The following PIGB variants were observed in gnomAD, a reference collection of about 807,000 sequenced individuals.
The protein encoded by PIGB is GPI alpha-1,2-mannosyltransferase 3.
A neutral mutation model predicts 68.4 loss-of-function variants in PIGB; 58 were observed. The observed-to-expected ratio is 0.85, with a 90% CI of 0.69 to 1.06. PIGB has a LOEUF of 1.06. PIGB is among the 50% of genes least tolerant of loss of function. The pLI is 0.00. For synonymous variants in PIGB, 219 were observed against 220.5 expected, an observed-to-expected ratio of 0.99 and a Z score of 0.06; for missense variants, 634 against 655.8, an observed-to-expected ratio of 0.97 and a Z score of 0.36.
intron 3 of PIGB, chr15:55,324,849 G>A (rs2055244141): frequency 2.1e-6 from 2 of 975,490 alleles, no homozygotes; most frequent in Non-Finnish European, 2.4e-6. Flanking sequence ...GTACATGAGT[G>A]CCTTTTCCTG....
intron 3 of PIGB, among the ~76,000 whole-genome samples, chr15:55,325,222 A>C (rs1205415481): frequency 6.6e-6 from 1 of 152,122 alleles, no homozygotes; most frequent in East Asian, 1.9e-4. Context: ...GCTACTTGGG[A>C]GGCTAAGGCA....
intron 6 of PIGB, among the ~76,000 whole-genome samples, chr15:55,337,859 G>A (rs544240004): frequency 3.9e-5 from 6 of 152,162 alleles, no homozygotes; most frequent in South Asian, 2.1e-4. Context: ...ACTACAGCAC[G>A]CAAAAAAACT....
intron 1 of PIGB, 25 bp downstream of exon 1, chr15:55,319,438 G>A: frequency 6.5e-7 from 1 of 1,545,216 alleles, no homozygotes; most frequent in Admixed American, 2.0e-5. Context: ...ACTGTCTGGA[G>A]AGCTCCTACC....
Position 55,333,983 on chromosome 15 carries a change from T to C in PIGB, c.770T>C (p.Ile257Thr). 1 of 1,604,312 alleles carries C rather than the reference T, an allele frequency of 6.2e-7. No homozygotes were observed. Among genetic ancestry groups the C allele is most frequent in the Middle Eastern group, 1.7e-4 (1 of 6,034 alleles). The change falls in exon 6 of 12, where the codon ATT becomes ACT. Residue 257 changes from isoleucine (I) to threonine (T), a missense_variant. By Grantham distance (89) the Ile-to-Thr change is moderately conservative. Transcript: ENST00000164305. The part of the protein sequence containing the change: ...FCQEPRKLDL[I>T]LHHFLPVGFV... ...CAAGAACCAAGAAAGCTTGATCTTA[T>C]TCTACATCATTTTTTACCTGTAGGG...
chr15:55,340,819 T>A lies in PIGB; in HGVS notation c.1054T>A (p.Tyr352Asn). 6.3e-7 allele frequency: 1 copy of A among 1,575,620 alleles called. No homozygotes were observed. Among genetic ancestry groups the A allele is most frequent in the South Asian group, 1.2e-5 (1 of 85,432 alleles). Residue 352 changes from tyrosine (Y) to asparagine (N), a missense_variant, in exon 8 of 12, where the codon TAT (tyrosine) becomes AAT (asparagine). Coordinates refer to ENST00000164305, the MANE Select transcript of PIGB (RefSeq NM_004855.5). ...GACTGTGCTGTGGACACTGCTTGTTTATAGGTAAGATTTTATTTGTTCAAA... is the reference window on the plus strand; with the variant it reads ...GACTGTGCTGTGGACACTGCTTGTTAATAGGTAAGATTTTATTTGTTCAAA... ...LVTVLWTLLV[Y>N]SMLSHKEFRF...
At chr15:55,325,440 AGTGTT>A (rs1038851796) in intron 3 of PIGB, among the ~76,000 whole-genome samples, 1 of 152,206 alleles carries the variant, frequency 6.6e-6, no homozygotes, top group African/African-American at 2.4e-5. Flanking sequence ...TTATTTTGTT[AGTGTT>A]AACTATGACA....
chr15:55,341,266 C>A (rs1595792390), intron 8 of PIGB, among the ~76,000 whole-genome samples: 1 of 152,060 alleles, frequency 6.6e-6, no homozygotes, highest in African/African-American at 2.4e-5. Context: ...GAAGCTGAGG[C>A]AGAAGGACTG....
At chr15:55,342,122 T>C (rs907951797) in intron 9 of PIGB, among the ~76,000 whole-genome samples, 3 of 152,128 alleles carry the variant, frequency 2.0e-5, no homozygotes, top group African/African-American at 7.2e-5. Context: ...AGTCCTTCTC[T>C]CAAAAAACAG....
rs910753846 is a variant in PIGB at position 55,341,810 on chromosome 15, C to T, written c.1123+8C>T. The T allele has an allele frequency of 7.5e-7, 1 of 1,329,272 alleles. No homozygotes were observed. Among genetic ancestry groups the T allele is most frequent in the South Asian group, 1.8e-5 (1 of 55,922 alleles). 82.3% of individuals were successfully genotyped at this position (1,329,272 alleles called of 1,614,324 possible). On this transcript the variant is annotated splice_region_variant and intron_variant, in intron 9 of 11. Transcript: ENST00000164305. ...TCTGTATGGTGTTCTGTGGTAAGTG[C>T]TTTTGTTTGTTATAGAAAATAAATT...
chr15:55,341,925 T>C (rs906196242), intron 9 of PIGB, 123 bp downstream of exon 9: 1 of 385,804 alleles, frequency 2.6e-6, no homozygotes, highest in Non-Finnish European at 4.6e-6. Flanking sequence ...TACAGATTAA[T>C]TATATTACTG....
chr15:55,326,648 C>T (rs551372391), intron 3 of PIGB, among the ~76,000 whole-genome samples: 123 of 150,510 alleles, frequency 8.2e-4, no homozygotes, highest in African/African-American at 2.8e-3. Flanking sequence ...GGGTGGATCA[C>T]GAGGTCAGGA....
At chr15:55,321,221 A>G (rs1595765228) in intron 2 of PIGB, 52 bp from the exon 3 acceptor site, 6 of 1,446,854 alleles carry the variant, frequency 4.1e-6, no homozygotes, top group Admixed American at 5.8e-5. Context: ...AAAAAAAAAA[A>G]CACGGAAATA....
chr15:55,340,960 T>G (rs2055656988), intron 8 of PIGB, 137 bp downstream of exon 8: 1 of 593,650 alleles, frequency 1.7e-6, no homozygotes, highest in African/African-American at 1.9e-5. Flanking sequence ...AAGATACAAG[T>G]AGTAGTAATT....
intron 10 of PIGB, among the ~76,000 whole-genome samples, chr15:55,352,245 G>A (rs543773001): frequency 4.3e-4 from 65 of 152,048 alleles, no homozygotes; most frequent in Admixed American, 1.4e-3. Flanking sequence ...CACCGCACCC[G>A]GCCTTAAACT....
At chr15:55,347,376 G>A (rs1050052803) in intron 9 of PIGB, among the ~76,000 whole-genome samples, 2 of 152,198 alleles carry the variant, frequency 1.3e-5, no homozygotes, top group Non-Finnish European at 2.9e-5. Flanking sequence ...GCAGTGAGCC[G>A]GTATCATGCC....
At chr15:55,333,791 G>A (rs2055475485) in intron 5 of PIGB, 76 bp from the exon 6 acceptor site, 1 of 1,078,874 alleles carries the variant, frequency 9.3e-7, no homozygotes, top group East Asian at 2.8e-5. Context: ...AAAGGAAAAT[G>A]TCAAATCACA....
At chr15:55,320,987 T>A (rs765871363) in intron 2 of PIGB, among the ~76,000 whole-genome samples, 11 of 152,186 alleles carry the variant, frequency 7.2e-5, no homozygotes, top group Non-Finnish European at 1.5e-4. Flanking sequence ...AAAAAACACA[T>A]TACTGCCTTG....
intron 2 of PIGB, 22 bp downstream of exon 2, chr15:55,320,432 C>G: frequency 6.2e-7 from 1 of 1,609,092 alleles, no homozygotes; most frequent in Non-Finnish European, 8.5e-7. Flanking sequence ...GGTTTCTTTT[C>G]CAGACTATGA....
intron 8 of PIGB, among the ~76,000 whole-genome samples, 164 bp from the exon 9 acceptor site, chr15:55,341,574 A>C (rs562481092): frequency 6.6e-6 from 1 of 152,280 alleles, no homozygotes; most frequent in Non-Finnish European, 1.5e-5. Context: ...TAATCACCTT[A>C]TAACTAAAAA....
Sources: allele counts gnomAD v4.1 joint callset (sites outside exome capture counted in the v4.1 genomes callset), GRCh38; gene constraint gnomAD v4.1.1; transcripts MANE v1.5; gene names NCBI Gene and HGNC (gene_info 2026-07-23, HGNC 2026-07-21).